The following ANKIB1 variants were observed in gnomAD, a reference collection of about 807,000 sequenced individuals.
The protein encoded by ANKIB1 is ankyrin repeat and IBR domain containing 1.
ANKIB1 carries 43 observed loss-of-function variants against 122.1 expected under a neutral mutation model. The observed-to-expected ratio is 0.35, with a 90% CI of 0.28 to 0.45. The LOEUF (loss-of-function observed/expected upper bound fraction) is 0.45. ANKIB1 is among the 20% of genes least tolerant of loss of function. The pLI is 1.00. For synonymous variants in ANKIB1, 390 were observed against 442.0 expected, an observed-to-expected ratio of 0.88 and a Z score of 1.48; for missense variants, 992 against 1,329.5, an observed-to-expected ratio of 0.75 and a Z score of 3.95.
chr7:92,309,322 C>T (rs1040357799), intron 3 of ANKIB1, among the ~76,000 whole-genome samples: 1 of 152,120 alleles, frequency 6.6e-6, no homozygotes, highest in South Asian at 2.1e-4. Flanking sequence ...TGGGTTTAAG[C>T]GATCTCCCTC....
intron 10 of ANKIB1, among the ~76,000 whole-genome samples, chr7:92,367,973 C>G (rs904669725): frequency 3.3e-5 from 5 of 152,050 alleles, no homozygotes; most frequent in African/African-American, 9.7e-5. Flanking sequence ...CTGGGCAACA[C>G]AGTGAGATCC....
intron 1 of ANKIB1, among the ~76,000 whole-genome samples, chr7:92,274,996 A>G (rs532049024): frequency 6.6e-6 from 1 of 152,086 alleles, no homozygotes; most frequent in East Asian, 1.9e-4. Context: ...TATACCTCCA[A>G]TTTCTGAGAC....
At chr7:92,310,898 G>A (rs1183953266) in intron 3 of ANKIB1, among the ~76,000 whole-genome samples, 1 of 152,136 alleles carries the variant, frequency 6.6e-6, no homozygotes, top group East Asian at 1.9e-4. Flanking sequence ...AGATAGAGAA[G>A]GCTGACTATA....
At chr7:92,316,153 A>G (rs1802789732) in intron 3 of ANKIB1, among the ~76,000 whole-genome samples, 1 of 152,234 alleles carries the variant, frequency 6.6e-6, no homozygotes, top group South Asian at 2.1e-4. Flanking sequence ...GCTTAAAACC[A>G]TATTTAAGTA....
At chr7:92,320,475 A>C (rs1210437856) in intron 4 of ANKIB1, among the ~76,000 whole-genome samples, 1 of 152,174 alleles carries the variant, frequency 6.6e-6, no homozygotes, top group Non-Finnish European at 1.5e-5. Context: ...TTTGGGGACA[A>C]CATTCTCTTC....
At position 92,344,184 on chromosome 7, in the gene ANKIB1, G is replaced by C. The variant is rs62467840; in HGVS notation, c.997-794G>C. Among the ~76,000 whole-genome samples the C allele has an allele frequency of 6.9e-4, 81 of 117,166 alleles. 1 individual carries two copies. Among genetic ancestry groups the C allele is most frequent in the African/African-American group, 2.2e-3 (68 of 30,964 alleles). 76.9% of individuals were successfully genotyped at this position (117,166 alleles called of 152,430 possible). On this transcript the variant is annotated intron_variant, in intron 6 of 19. Coordinates refer to ENST00000265742, the MANE Select transcript of ANKIB1 (RefSeq NM_019004.2). ...TAGGTGGGTTTTTTGTTGTTGTTTT[G>C]TGTTTTTGGTTTTTTTTTTTTTTTT... is the stretch of plus-strand genomic sequence containing the variant.
chr7:92,310,270 C>T (rs982277574), intron 3 of ANKIB1, among the ~76,000 whole-genome samples: 6 of 152,002 alleles, frequency 3.9e-5, no homozygotes, highest in Non-Finnish European at 7.4e-5. Flanking sequence ...TGATTGTTTT[C>T]ATTTTCTGTA....
In ANKIB1 at chr7:92,307,659, AAATT is replaced by A; in HGVS notation, c.486+4_486+7del. ...CAGGGATGAAAGCCTGTGTAGAGGTAAATTTTTTTTTTTTTTAATATTCTGCATT... is the reference window on the plus strand; with the variant it reads ...CAGGGATGAAAGCCTGTGTAGAGGTATTTTTTTTTTTTAATATTCTGCATT... On this transcript the variant is annotated splice_donor_5th_base_variant and intron_variant, in intron 3 of 19. Coordinates refer to ENST00000265742, the MANE Select transcript of ANKIB1 (RefSeq NM_019004.2). 6.6e-7 allele frequency: 1 copy of A among 1,509,228 alleles called. No homozygotes were observed. Among genetic ancestry groups the A allele is most frequent in the Non-Finnish European group, 8.8e-7 (1 of 1,135,140 alleles). 93.5% of individuals were successfully genotyped at this position (1,509,228 alleles called of 1,614,324 possible). A position where few individuals can be genotyped will look rare whatever the true frequency, so the allele number is the denominator to read the frequency against.
At chr7:92,251,731 G>A (rs564044966) in intron 1 of ANKIB1, among the ~76,000 whole-genome samples, 3 of 152,188 alleles carry the variant, frequency 2.0e-5, no homozygotes, top group Non-Finnish European at 2.9e-5. Flanking sequence ...ACACTACAGC[G>A]TCTGTTTTTT....
intron 1 of ANKIB1, among the ~76,000 whole-genome samples, chr7:92,271,654 G>C (rs1002687857): frequency 1.3e-5 from 2 of 152,120 alleles, no homozygotes; most frequent in African/African-American, 2.4e-5. Flanking sequence ...GATATTATAG[G>C]AAAAGGAGCA....
chr7:92,367,588 G>A (rs1006272139), intron 10 of ANKIB1, among the ~76,000 whole-genome samples: 6 of 151,996 alleles, frequency 3.9e-5, no homozygotes, highest in Admixed American at 6.6e-5. Context: ...CCAGTTTTCC[G>A]AAGTCTTTGA....
At position 92,328,335 on chromosome 7, in the gene ANKIB1, G is replaced by A. The variant is rs374682850; in HGVS notation, c.787+435G>A. Reference sequence around the variant, plus strand: ...ATTGTCAGTTGTATTTATTTTATATGGTAGCTATTTCTCCCCATGAAGTGC... The same window carrying A: ...ATTGTCAGTTGTATTTATTTTATATAGTAGCTATTTCTCCCCATGAAGTGC... On this transcript the variant is annotated intron_variant, in intron 5 of 19. Coordinates refer to ENST00000265742, the MANE Select transcript of ANKIB1 (RefSeq NM_019004.2). 3.2e-4 allele frequency among the ~76,000 whole-genome samples: 48 copies of A among 152,208 alleles called. 1 individual carries two copies. The highest frequency in any genetic ancestry group is 9.9e-4 in the African/African-American group (41 of 41,550).
intron 1 of ANKIB1, among the ~76,000 whole-genome samples, chr7:92,282,461 T>C (rs1417869823): frequency 6.6e-6 from 1 of 152,200 alleles, no homozygotes; most frequent in Non-Finnish European, 1.5e-5. Context: ...GTACTTTTTG[T>C]GTCTGTCTTA....
At position 92,261,390 on chromosome 7, in the gene ANKIB1, G is replaced by GTTTGTTTTGT. The variant is rs3041533; in HGVS notation, c.-91+14899_-91+14908dup. On this transcript the variant is annotated intron_variant, in intron 1 of 19. Transcript: ENST00000265742. ...AAGAAAAGAAATTACTATGTTTTTT[G>GTTTGTTTTGT]TTTGTTTTGTTTTGTTTTGTTTTGT... Among the ~76,000 whole-genome samples, 755 of 145,080 alleles carry GTTTGTTTTGT rather than the reference G, an allele frequency of 5.2e-3. 8 individuals carry two copies. Among genetic ancestry groups the GTTTGTTTTGT allele is most frequent in the East Asian group, 0.04 (187 of 4,646 alleles).
At chr7:92,380,872 G>A (rs1468627166) in intron 11 of ANKIB1, among the ~76,000 whole-genome samples, 8 of 152,280 alleles carry the variant, frequency 5.3e-5, no homozygotes, top group African/African-American at 9.6e-5. Context: ...GCAGCTCCTC[G>A]CCAGCAACGG....
chr7:92,300,754 T>C (rs970105751), intron 2 of ANKIB1, among the ~76,000 whole-genome samples: 3 of 152,106 alleles, frequency 2.0e-5, no homozygotes, highest in African/African-American at 7.2e-5. Flanking sequence ...GTATATAATA[T>C]ATAATTATTA....
intron 4 of ANKIB1, among the ~76,000 whole-genome samples, chr7:92,323,855 C>A (rs558832113): frequency 2.6e-5 from 4 of 152,290 alleles, no homozygotes; most frequent in African/African-American, 9.6e-5. Flanking sequence ...CACAAAAGGT[C>A]ACATTTGAAT....
intron 5 of ANKIB1, among the ~76,000 whole-genome samples, chr7:92,339,199 G>A (rs938834860): frequency 9.3e-5 from 14 of 149,784 alleles, no homozygotes; most frequent in African/African-American, 2.9e-4. Flanking sequence ...CTGCCACCAC[G>A]CCTGGCTAAT....
In ANKIB1 at chr7:92,246,449, C is replaced by G. The variant is rs1250098846; in HGVS notation, c.-161C>G. 4 of 517,466 alleles carry G rather than the reference C, an allele frequency of 7.7e-6. No homozygotes were observed. The highest frequency in any genetic ancestry group is 1.5e-5 in the Non-Finnish European group (4 of 259,672). 32.1% of individuals were successfully genotyped at this position (517,466 alleles called of 1,614,324 possible). A position where few individuals can be genotyped will look rare whatever the true frequency, so the allele number is the denominator to read the frequency against. On this transcript the variant is annotated 5_prime_UTR_variant, in exon 1 of 20. Transcript: ENST00000265742. ...GAGGTCACCAGCTCGGCTGTAGAGG[C>G]AGGGGCGGCGGAGGCGGAACTGCGG...
Sources: allele counts gnomAD v4.1 joint callset (sites outside exome capture counted in the v4.1 genomes callset), GRCh38; gene constraint gnomAD v4.1.1; transcripts MANE v1.5; gene names NCBI Gene and HGNC (gene_info 2026-07-23, HGNC 2026-07-21).